GPHN: variants seen among roughly 807,000 people sequenced by gnomAD.
GPHN encodes gephyrin.
GPHN carries 17 observed loss-of-function variants against 95.5 expected under a neutral mutation model. The ratio of observed to expected loss-of-function variants is 0.18; its 90% CI spans 0.12 to 0.27. The LOEUF (loss-of-function observed/expected upper bound fraction) is 0.27, where lower values mean the gene tolerates loss of function less well. GPHN is among the 10% of genes least tolerant of loss of function. GPHN has a pLI of 1.00. For missense variants in GPHN, 660 were observed against 978.1 expected, an observed-to-expected ratio of 0.67 and a Z score of 4.34; for synonymous variants, 320 against 322.5, an observed-to-expected ratio of 0.99 and a Z score of 0.08.
the GPHN span, among the ~76,000 whole-genome samples, chr14:67,291,359 C>T: frequency 6.6e-6 from 1 of 152,032 alleles, no homozygotes; most frequent in Non-Finnish European, 1.5e-5. Flanking sequence ...TCCCGAGTAG[C>T]TGGGATTACA....
the GPHN span, among the ~76,000 whole-genome samples, chr14:67,424,042 A>T: frequency 6.6e-6 from 1 of 152,162 alleles, no homozygotes; most frequent in Non-Finnish European, 1.5e-5. Context: ...GTTCAAGACC[A>T]GCCTGACCAA....
chr14:66,541,047 A>T (rs1316429290), intron 1 of GPHN, among the ~76,000 whole-genome samples: 1 of 152,152 alleles, frequency 6.6e-6, no homozygotes, highest in Non-Finnish European at 1.5e-5. Context: ...TCCCGGGTTC[A>T]AGTGATTCTC....
intron 1 of GPHN, among the ~76,000 whole-genome samples, chr14:66,537,579 A>G (rs1489189541): frequency 6.6e-6 from 1 of 152,150 alleles, no homozygotes; most frequent in Non-Finnish European, 1.5e-5. Flanking sequence ...TACAAACCAC[A>G]TAATTTTTTT....
Position 66,530,082 on chromosome 14 carries a change from G to A in GPHN, c.64+21491G>A, listed in dbSNP as rs112302803. Among the ~76,000 whole-genome samples, 552 of 152,260 alleles carry A rather than the reference G, an allele frequency of 3.6e-3. 11 individuals carry two copies. The highest frequency in any genetic ancestry group is 0.013 in the African/African-American group (526 of 41,548). ...TCCCCTAGGTACTCTGTCCCAGGGC[G>A]ATGGAGGTTTTATCTATAAGCCCCT... is the stretch of plus-strand genomic sequence containing the variant. On this transcript the variant is annotated intron_variant, in intron 1 of 22. Transcript: ENST00000478722.
chr14:66,770,083 A>T (rs902208074), intron 2 of GPHN, among the ~76,000 whole-genome samples: 4 of 152,158 alleles, frequency 2.6e-5, no homozygotes, highest in African/African-American at 9.7e-5. Flanking sequence ...ATGATCAGTG[A>T]TGTTGAGCTT....
At chr14:67,560,224 A>G in the GPHN span, among the ~76,000 whole-genome samples, 2 of 151,968 alleles carry the variant, frequency 1.3e-5, no homozygotes, top group African/African-American at 2.4e-5. Flanking sequence ...GACAGGTTTC[A>G]CCATGTTGGC....
the GPHN span, among the ~76,000 whole-genome samples, chr14:67,539,624 G>A: frequency 1.4e-4 from 21 of 152,240 alleles, no homozygotes; most frequent in Non-Finnish European, 2.9e-4. Flanking sequence ...TCCTAGAAAC[G>A]ATTTCTGCCA....
intron 4 of GPHN, among the ~76,000 whole-genome samples, chr14:66,871,331 T>C (rs1249159706): frequency 3.3e-5 from 5 of 152,366 alleles, no homozygotes; most frequent in South Asian, 2.1e-4. Flanking sequence ...TACTATACTT[T>C]GGGATATATC....
the GPHN span, among the ~76,000 whole-genome samples, chr14:67,295,720 G>T: frequency 6.6e-6 from 1 of 152,204 alleles, no homozygotes; most frequent in Non-Finnish European, 1.5e-5. Context: ...AGTATTGTTT[G>T]TGAACTTATG....
intron 1 of GPHN, among the ~76,000 whole-genome samples, chr14:66,660,551 TC>T (rs1476836551): frequency 1.3e-5 from 2 of 152,182 alleles, no homozygotes; most frequent in Non-Finnish European, 2.9e-5. Context: ...ATTTTTTTTT[TC>T]ATGTCTGAAG....
At chr14:66,552,290 A>T (rs2059842397) in intron 1 of GPHN, among the ~76,000 whole-genome samples, 1 of 152,182 alleles carries the variant, frequency 6.6e-6, no homozygotes, top group Non-Finnish European at 1.5e-5. Flanking sequence ...TTTCTAACTC[A>T]TCCTGCTTCC....
chr14:66,867,518 A>T (rs1291902393), intron 4 of GPHN, among the ~76,000 whole-genome samples: 1 of 152,182 alleles, frequency 6.6e-6, no homozygotes, highest in Admixed American at 6.5e-5. Context: ...ACTTTTATCC[A>T]CTACATGATG....
intron 21 of GPHN, 79 bp downstream of exon 21, chr14:67,169,115 A>G: frequency 1.2e-6 from 1 of 859,488 alleles, no homozygotes; most frequent in Non-Finnish European, 2.0e-6. Flanking sequence ...TGTCCAAAAT[A>G]AACATCTAGA....
At chr14:66,683,980 A>C (rs573322276) in intron 2 of GPHN, among the ~76,000 whole-genome samples, 5 of 152,164 alleles carry the variant, frequency 3.3e-5, no homozygotes, top group African/African-American at 1.2e-4. Flanking sequence ...CGTCTCAAAA[A>C]AAAAAAAAAA....
At chr14:67,504,010 A>T in the GPHN span, among the ~76,000 whole-genome samples, 2 of 119,294 alleles carry the variant, frequency 1.7e-5, no homozygotes, top group African/African-American at 6.5e-5. Flanking sequence ...CCTATTTTTT[A>T]ATTTTTATTT....
At chr14:67,284,906 A>T in the GPHN span, among the ~76,000 whole-genome samples, 6 of 151,960 alleles carry the variant, frequency 3.9e-5, no homozygotes, top group East Asian at 1.2e-3. Context: ...AGGTTAAAAA[A>T]TTTTTATTTT....
chr14:66,940,139 T>C (rs958342530), intron 8 of GPHN, among the ~76,000 whole-genome samples: 1 of 151,988 alleles, frequency 6.6e-6, no homozygotes, highest in Non-Finnish European at 1.5e-5. Context: ...AAATTAACTC[T>C]TCTCAGTTTG....
chr14:67,697,905 CAATT>C, the GPHN span, among the ~76,000 whole-genome samples: 7 of 149,586 alleles, frequency 4.7e-5, no homozygotes, highest in African/African-American at 1.5e-4. Context: ...CTGTGCAAGA[CAATT>C]AAAGGTAGCC....
chr14:67,383,681 A>G, the GPHN span: 1 of 428,108 alleles, frequency 2.3e-6, no homozygotes, highest in East Asian at 5.7e-5. Context: ...CTAGAGACAA[A>G]TCTTTAAGAA....
Sources: gnomAD v4.1 joint callset for allele counts (sites outside exome capture counted in the v4.1 genomes callset) on GRCh38, gnomAD v4.1.1 for gene constraint, MANE v1.5 for transcripts, NCBI Gene and HGNC (gene_info 2026-07-23, HGNC 2026-07-21) for gene names.